The following CYP2R1 variants were observed in gnomAD, a reference collection of about 807,000 sequenced individuals.
CYP2R1 encodes the protein cytochrome P450 family 2 subfamily R member 1, also known as vitamin D 25-hydroxylase.
A neutral mutation model predicts 45.7 loss-of-function variants in CYP2R1; 40 were observed. That is an observed-to-expected ratio of 0.87 (90% CI 0.68 to 1.14). CYP2R1 has a LOEUF of 1.14. Among genes scored for constraint, CYP2R1 ranks in the 50% most tolerant of loss-of-function variants. The pLI, the probability that CYP2R1 is intolerant of heterozygous loss-of-function variation, is 0.00. For missense variants in CYP2R1, 605 were observed against 602.6 expected (o/e 1.00, Z -0.04); for synonymous variants, 234 against 219.3 (o/e 1.07, Z -0.59).
chr11:14,885,309 T>C (rs781999317), intron 2 of CYP2R1, among the ~76,000 whole-genome samples: 3 of 152,150 alleles, frequency 2.0e-5, no homozygotes, highest in Non-Finnish European at 4.4e-5. Context: ...TACTAAACCA[T>C]ACAGAATGCT....
intron 1 of CYP2R1, chr11:14,890,312 A>G (rs1848786225): frequency 4.2e-6 from 1 of 237,344 alleles, no homozygotes; most frequent in Non-Finnish European, 6.8e-6. Flanking sequence ...TCTCTAGAAT[A>G]TTATGATGCT....
chr11:14,881,438 T>G (rs1848383010), intron 2 of CYP2R1, among the ~76,000 whole-genome samples: 1 of 152,110 alleles, frequency 6.6e-6, no homozygotes, highest in Non-Finnish European at 1.5e-5. Context: ...TCCCTTAAAT[T>G]AATTCAACAT....
chr11:14,886,097 T>C, intron 1 of CYP2R1, 180 bp from the exon 2 acceptor site: 2 of 629,940 alleles, frequency 3.2e-6, no homozygotes, highest in Non-Finnish European at 5.6e-6. Context: ...CATGCAAAAC[T>C]GTGTGATTTC....
Position 14,891,637 on chromosome 11 carries a change from T to A in CYP2R1, c.225+344A>T, listed in dbSNP as rs542775332. On this transcript the variant is annotated intron_variant, in intron 1 of 4. Coordinates refer to ENST00000334636, the MANE Select transcript of CYP2R1 (RefSeq NM_024514.5). ...CGCAAGACGCCCGCACCTGAGGGCA[T>A]GCGTCCACCCTGGACCTGAAGTGGC... The A allele has an allele frequency of 5.4e-4, 598 of 1,107,004 alleles. 3 individuals carry two copies. In the African/African-American group the frequency reaches 9.3e-3, roughly 17 times the overall value. 68.6% of individuals were successfully genotyped at this position (1,107,004 alleles called of 1,614,324 possible). A position where few individuals can be genotyped will look rare whatever the true frequency, so the allele number is the denominator to read the frequency against.
In CYP2R1 at chr11:14,879,345, C is replaced by G. The variant is rs781954755; in HGVS notation, c.1099G>C (p.Glu367Gln). The stretch of plus-strand genomic sequence containing the variant: ...ACTATATTACAGAATCTTAAAACTT[C>G]ATGCAAAACTGCCTCAGTATAAGGC... ...KMPYTEAVLH[E>Q]VLRFCNIVPL... Residue 367 changes from glutamate (E) to glutamine (Q), a missense_variant, in exon 4 of 5, where the codon GAA (glutamate) becomes CAA (glutamine). Coordinates refer to ENST00000334636, the MANE Select transcript of CYP2R1 (RefSeq NM_024514.5). 32 of 1,612,396 alleles carry G rather than the reference C, an allele frequency of 2.0e-5. No homozygotes were observed. The highest frequency in any genetic ancestry group is 2.5e-5 in the Non-Finnish European group (30 of 1,179,496).
chr11:14,877,449 A>AT lies in CYP2R1; in HGVS notation c.*672dup, dbSNP rs1389355743. ...ATTCAATAGCCATTTATCATTTTAAATTTTAAATATATTATTGTAATGTCC... is the reference window on the plus strand; with the variant it reads ...ATTCAATAGCCATTTATCATTTTAAATTTTTAAATATATTATTGTAATGTCC... On this transcript the variant is annotated 3_prime_UTR_variant, in exon 5 of 5. Coordinates refer to ENST00000334636, the MANE Select transcript of CYP2R1 (RefSeq NM_024514.5). 2 of 152,294 alleles carry AT rather than the reference A, an allele frequency of 1.3e-5. No homozygotes were observed. Among genetic ancestry groups the AT allele is most frequent in the Admixed American group, 1.3e-4 (2 of 15,292 alleles). 9.4% of individuals were successfully genotyped at this position (152,294 alleles called of 1,614,324 possible). A position where few individuals can be genotyped will look rare whatever the true frequency, so the allele number is the denominator to read the frequency against.
At chr11:14,878,436 T>C (rs571486455) in intron 4 of CYP2R1, 139 bp from the exon 5 acceptor site, 15 of 867,884 alleles carry the variant, frequency 1.7e-5, no homozygotes, top group African/African-American at 1.0e-4. Context: ...AGGATTTTCT[T>C]AAATCTCAAA....
intron 1 of CYP2R1, chr11:14,890,772 TCTC>T: frequency 2.5e-5 from 17 of 673,632 alleles, no homozygotes; most frequent in Non-Finnish European, 2.7e-5. Context: ...ACGGTCTCGA[TCTC>T]CTGATTTCGT....
Position 14,877,856 on chromosome 11 carries a change from T to C in CYP2R1, c.*266A>G. On this transcript the variant is annotated 3_prime_UTR_variant, in exon 5 of 5. Transcript: ENST00000334636. ...CAAGATGCTCAGCTTAGGGCGTCCA[T>C]GACCCTTCTTAGCATTTTAAGCAAC... 1 of 429,534 alleles carries C rather than the reference T, an allele frequency of 2.3e-6. No homozygotes were observed. Among genetic ancestry groups the C allele is most frequent in the Non-Finnish European group, 4.1e-6 (1 of 241,156 alleles). The allele number at this position is 429,534 out of a possible 1,614,324, so 26.6% of individuals were successfully genotyped here.
chr11:14,880,768 C>A lies in CYP2R1; in HGVS notation c.368G>T (p.Gly123Val). Residue 123 changes from glycine (G) to valine (V), a missense_variant and splice_region_variant, in exon 3 of 5, where the codon GGC becomes GTC. Coordinates refer to ENST00000334636, the MANE Select transcript of CYP2R1 (RefSeq NM_024514.5). ...TCGGCCATATCTGGAATTGAGTAAG[C>A]CTGAAAAAAAATATTAAAATATTGT... ...PLFMKMTKMG[G>V]LLNSRYGRGW... 1.9e-6 allele frequency: 3 copies of A among 1,604,246 alleles called. No homozygotes were observed. Among genetic ancestry groups the A allele is most frequent in the Admixed American group, 1.7e-5 (1 of 57,932 alleles).
chr11:14,889,803 G>C (rs547425950), intron 1 of CYP2R1, among the ~76,000 whole-genome samples: 1 of 152,098 alleles, frequency 6.6e-6, no homozygotes, highest in Non-Finnish European at 1.5e-5. Flanking sequence ...TTTCAAATTT[G>C]GAGGTCGAAC....
intron 3 of CYP2R1, 147 bp downstream of exon 3, chr11:14,879,987 ACT>A (rs1435242348): frequency 3.9e-6 from 3 of 761,122 alleles, no homozygotes; most frequent in South Asian, 2.4e-5. Context: ...AGATTTGAAA[ACT>A]CTTTTTTGTA....
chr11:14,881,473 A>T (rs995784198), intron 2 of CYP2R1, among the ~76,000 whole-genome samples: 1 of 152,100 alleles, frequency 6.6e-6, no homozygotes, highest in Non-Finnish European at 1.5e-5. Context: ...TTTATGTAAC[A>T]TGTACTTTAC....
chr11:14,892,254 A>C (rs782771117), upstream of CYP2R1: 3 of 1,546,290 alleles, frequency 1.9e-6, no homozygotes, highest in East Asian at 2.3e-5. Flanking sequence ...AGACCCAGGC[A>C]CTCCCTCCAG....
chr11:14,891,634 G>T, intron 1 of CYP2R1: 1 of 1,104,704 alleles, frequency 9.1e-7, no homozygotes, highest in Non-Finnish European at 1.1e-6. Context: ...GCACCTGAGG[G>T]CATGCGTCCA....
chr11:14,890,707 C>T (rs1049966767), intron 1 of CYP2R1, among the ~76,000 whole-genome samples: 3 of 151,954 alleles, frequency 2.0e-5, no homozygotes, highest in South Asian at 4.2e-4. Context: ...CCACCACGCC[C>T]GGCTAATTTT....
At chr11:14,883,583 A>C (rs1392097210) in intron 2 of CYP2R1, among the ~76,000 whole-genome samples, 2 of 152,196 alleles carry the variant, frequency 1.3e-5, no homozygotes, top group Middle Eastern at 3.4e-3. Flanking sequence ...TAAAAACCCT[A>C]GAAGAAAACC....
chr11:14,890,825 G>C, intron 1 of CYP2R1: 1 of 978,266 alleles, frequency 1.0e-6, no homozygotes, highest in African/African-American at 1.8e-5. Flanking sequence ...TGGGATTATA[G>C]GCGTGAGCCA....
chr11:14,886,225 A>G (rs2134068769), intron 1 of CYP2R1: 2 of 329,498 alleles, frequency 6.1e-6, no homozygotes, highest in South Asian at 7.8e-5. Flanking sequence ...AAAGACTCTG[A>G]GCAGAACACT....
Sources: allele counts gnomAD v4.1 joint callset (sites outside exome capture counted in the v4.1 genomes callset), GRCh38; gene constraint gnomAD v4.1.1; transcripts MANE v1.5; gene names NCBI Gene and HGNC (gene_info 2026-07-23, HGNC 2026-07-21).